DACH2: variants seen among roughly 807,000 people sequenced by gnomAD.
DACH2 encodes the protein dachshund family transcription factor 2, also known as dachshund homolog 2.
In DACH2, 17 loss-of-function variants were observed where a neutral mutation model predicts 35.8. That is an observed-to-expected ratio of 0.48 (90% CI 0.33 to 0.71). The LOEUF (loss-of-function observed/expected upper bound fraction) is 0.71. Ranked by LOEUF, DACH2 falls within the 30% of genes least tolerant of loss-of-function variation. The probability of loss-of-function intolerance (pLI) is 0.02; values close to 1 mark genes in which losing one functional copy is unlikely to be tolerated. For missense variants in DACH2, 469 were observed against 472.7 expected, an observed-to-expected ratio of 0.99 and a Z score of 0.07; for synonymous variants, 195 against 177.3, an observed-to-expected ratio of 1.10 and a Z score of -0.79.
In DACH2 at chrX:86,786,349, C is replaced by T. The variant is rs148674368; in HGVS notation, c.1241-26507C>T. Reference sequence around the variant, plus strand: ...ATGACCTAAAGAGCAACCTGCTGCCCATTAGATTATCAGTGCTTGTTAATG... The same window carrying T: ...ATGACCTAAAGAGCAACCTGCTGCCTATTAGATTATCAGTGCTTGTTAATG... On this transcript the variant is annotated intron_variant, in intron 7 of 11. Transcript: ENST00000373125. Among the ~76,000 whole-genome samples the T allele has an allele frequency of 1.7e-3, 191 of 110,701 alleles. 1 individual carries two copies. Among genetic ancestry groups the T allele is most frequent in the African/African-American group, 5.7e-3 (176 of 30,759 alleles).
chrX:86,755,637 G>A (rs1371193494), intron 7 of DACH2, among the ~76,000 whole-genome samples: 3 of 88,460 alleles, frequency 3.4e-5, no homozygotes, highest in East Asian at 7.1e-4. Flanking sequence ...TCACTCTGTC[G>A]CCCAGGCTGG....
At chrX:86,182,864 G>A (rs1171514818) in intron 1 of DACH2, among the ~76,000 whole-genome samples, 1 of 111,518 alleles carries the variant, frequency 9.0e-6, no homozygotes, top group Non-Finnish European at 1.9e-5. Flanking sequence ...GCAGTGGTTT[G>A]TAGTTCTCCT....
intron 1 of DACH2, among the ~76,000 whole-genome samples, chrX:86,319,226 GATTA>G (rs896402538): frequency 3.6e-5 from 4 of 112,302 alleles, no homozygotes; most frequent in African/African-American, 1.3e-4. Flanking sequence ...TCCTTTGCAA[GATTA>G]ATTTTTACAA....
At position 86,498,710 on chromosome X, in the gene DACH2, G is replaced by C. The variant is rs769123537; in HGVS notation, c.528-15569G>C. On this transcript the variant is annotated intron_variant, in intron 2 of 11. Coordinates refer to ENST00000373125, the MANE Select transcript of DACH2 (RefSeq NM_053281.3). ...CCTACCTGGCTTATAGTTATGAATT[G>C]CCATAAATTTTAATGAAATATCAAA... 1.3e-3 allele frequency among the ~76,000 whole-genome samples: 147 copies of C among 112,031 alleles called. 1 individual carries two copies. The highest frequency in any genetic ancestry group is 4.6e-3 in the African/African-American group (142 of 30,873).
intron 7 of DACH2, among the ~76,000 whole-genome samples, chrX:86,780,977 T>G (rs1017164613): frequency 1.8e-5 from 2 of 111,318 alleles, no homozygotes. Flanking sequence ...CTACTGGGGA[T>G]GGGGAGGCTG....
intron 1 of DACH2, among the ~76,000 whole-genome samples, chrX:86,230,199 T>C (rs2032919237): frequency 9.0e-6 from 1 of 111,296 alleles, no homozygotes; most frequent in Non-Finnish European, 1.9e-5. Context: ...CGAATGCTTT[T>C]TCTGCATCCT....
intron 2 of DACH2, among the ~76,000 whole-genome samples, chrX:86,396,005 C>G (rs779557300): frequency 2.7e-5 from 3 of 111,736 alleles, no homozygotes; most frequent in Admixed American, 1.9e-4. Flanking sequence ...GTCCCACCAA[C>G]AGTGTAAAAG....
At chrX:86,547,252 C>G (rs1476145924) in intron 3 of DACH2, among the ~76,000 whole-genome samples, 1 of 111,383 alleles carries the variant, frequency 9.0e-6, no homozygotes, top group African/African-American at 3.3e-5. Context: ...TATTGAATAC[C>G]TCCAATGTGC....
At chrX:86,778,161 G>A (rs774325861) in intron 7 of DACH2, among the ~76,000 whole-genome samples, 1 of 111,224 alleles carries the variant, frequency 9.0e-6, no homozygotes, top group African/African-American at 3.3e-5. Flanking sequence ...ACCCAGTATT[G>A]GTATAGCTGG....
chrX:86,204,895 G>A (rs1031076055), intron 1 of DACH2, among the ~76,000 whole-genome samples: 1 of 111,423 alleles, frequency 9.0e-6, no homozygotes, highest in African/African-American at 3.3e-5. Context: ...AGTTTTGTTG[G>A]TTATAGTTTT....
At chrX:86,456,959 T>C (rs937904925) in intron 2 of DACH2, among the ~76,000 whole-genome samples, 2 of 112,066 alleles carry the variant, frequency 1.8e-5, no homozygotes, top group Non-Finnish European at 3.8e-5. Context: ...TTTGATGTAA[T>C]TTGCATCTTT....
intron 3 of DACH2, among the ~76,000 whole-genome samples, chrX:86,628,330 C>T (rs1324412323): frequency 1.8e-5 from 2 of 111,799 alleles, no homozygotes; most frequent in Non-Finnish European, 3.8e-5. Context: ...GTGGATTGAA[C>T]CTCATTTTAA....
At chrX:86,810,102 T>C (rs1273187845) in intron 7 of DACH2, among the ~76,000 whole-genome samples, 1 of 111,964 alleles carries the variant, frequency 8.9e-6, no homozygotes, top group Non-Finnish European at 1.9e-5. Context: ...CAATTTACTG[T>C]ACAGCAACAT....
At chrX:86,640,815 C>T in intron 3 of DACH2, among the ~76,000 whole-genome samples, 1 of 111,835 alleles carries the variant, frequency 8.9e-6, no homozygotes, top group Non-Finnish European at 1.9e-5. Flanking sequence ...TGCTGGATCA[C>T]ATCCCAAAGC....
intron 3 of DACH2, among the ~76,000 whole-genome samples, chrX:86,520,631 G>A: frequency 9.0e-6 from 1 of 111,536 alleles, no homozygotes; most frequent in Non-Finnish European, 1.9e-5. Flanking sequence ...TCTTCTTGCT[G>A]AATTAAAGAC....
rs191721180 is a variant in DACH2 at position 86,818,578 on chromosome X, T to C, written c.1750+2479T>C. The stretch of plus-strand genomic sequence containing the variant: ...TGATTTTGTAAGTTATAGTTCTTTT[T>C]TGTGACATTTTGATACTGTTTTAAT... On this transcript the variant is annotated intron_variant, in intron 11 of 11. Transcript: ENST00000373125. Among the ~76,000 whole-genome samples, 3 of 111,680 alleles carry C rather than the reference T, an allele frequency of 2.7e-5. No individual in the cohort carries two copies. In the East Asian group the frequency reaches 8.4e-4, roughly 31 times the overall value.
At chrX:86,266,647 T>G (rs2033718458) in intron 1 of DACH2, among the ~76,000 whole-genome samples, 1 of 111,419 alleles carries the variant, frequency 9.0e-6, no homozygotes, top group Non-Finnish European at 1.9e-5. Flanking sequence ...ACTGCCCGGT[T>G]TTGAGTATTA....
intron 4 of DACH2, among the ~76,000 whole-genome samples, chrX:86,664,511 C>T (rs138519540): frequency 0.034 from 3,834 of 111,333 alleles, 165 homozygotes; most frequent in African/African-American, 0.12. Flanking sequence ...TGCAAACATC[C>T]TTCATAATAC....
intron 2 of DACH2, among the ~76,000 whole-genome samples, chrX:86,455,831 G>T (rs375683728): frequency 1.8e-5 from 2 of 112,271 alleles, no homozygotes; most frequent in African/African-American, 6.5e-5. Context: ...CCTGGATTCA[G>T]CCTCCTTTCT....
Sources: gnomAD v4.1 joint callset for allele counts (sites outside exome capture counted in the v4.1 genomes callset) on GRCh38, gnomAD v4.1.1 for gene constraint, MANE v1.5 for transcripts, NCBI Gene and HGNC (gene_info 2026-07-23, HGNC 2026-07-21) for gene names.